The following SKI variants were observed in gnomAD, a reference collection of about 807,000 sequenced individuals.
SKI encodes SKI proto-oncogene, also known as ski oncogene.
A neutral mutation model predicts 59.3 loss-of-function variants in SKI; 23 were observed. The observed-to-expected ratio is 0.39, with a 90% CI of 0.28 to 0.55. SKI has a LOEUF of 0.55. SKI is among the 20% of genes least tolerant of loss of function. SKI has a pLI of 0.67. For missense variants in SKI, 1,017 were observed against 1,038.9 expected, an observed-to-expected ratio of 0.98 and a Z score of 0.29; for synonymous variants, 673 against 488.6, an observed-to-expected ratio of 1.38 and a Z score of -4.98.
intron 1 of SKI, among the ~76,000 whole-genome samples, chr1:2,288,174 A>T (rs1971304): frequency 0.17 from 25,193 of 151,908 alleles, 2,132 homozygotes; most frequent in Middle Eastern, 0.32. Context: ...TTTAGTAGAG[A>T]TGGGGTTTCT....
Position 2,303,514 on chromosome 1 carries a change from G to C in SKI, c.1211+114G>C. The C allele has an allele frequency of 1.1e-6, 1 of 932,268 alleles. No homozygotes were observed. Among genetic ancestry groups the C allele is most frequent in the Non-Finnish European group, 1.7e-6 (1 of 599,056 alleles). The allele number at this position is 932,268 out of a possible 1,614,324, so 57.7% of individuals were successfully genotyped here. A position where few individuals can be genotyped will look rare whatever the true frequency, so the allele number is the denominator to read the frequency against. ...TGGGTGCCCAGACCTGCCGCCTTTT[G>C]GTCAGGGCAGTCTCGGTGTTGGTTC... On this transcript the variant is annotated intron_variant, in intron 3 of 6. Transcript: ENST00000378536. The surrounding 1 kb of genome is among the most constrained non-coding windows in gnomAD (Gnocchi z 5.6).
chr1:2,248,573 G>C (rs1639048212), intron 1 of SKI, among the ~76,000 whole-genome samples: 1 of 152,170 alleles, frequency 6.6e-6, no homozygotes, highest in Non-Finnish European at 1.5e-5. Flanking sequence ...TGGACAGGCA[G>C]CCTTTGACCT....
At chr1:2,292,222 TC>T (rs1640177005) in intron 1 of SKI, among the ~76,000 whole-genome samples, 1 of 152,210 alleles carries the variant, frequency 6.6e-6, no homozygotes, top group African/African-American at 2.4e-5. Flanking sequence ...CTTGCCCTGC[TC>T]AGGGCTGCAC....
intron 5 of SKI, 82 bp downstream of exon 5, chr1:2,304,667 G>A: frequency 5.4e-6 from 8 of 1,469,520 alleles, no homozygotes; most frequent in Non-Finnish European, 5.4e-6. Flanking sequence ...CACAGGTGGT[G>A]CCTCCTCCCT....
chr1:2,240,851 C>T (rs1303009126), intron 1 of SKI: 14 of 954,584 alleles, frequency 1.5e-5, no homozygotes, highest in Non-Finnish European at 1.5e-5. Flanking sequence ...GTGTGGGGGC[C>T]GTCCACAGCC....
intron 6 of SKI, 30 bp from the exon 7 acceptor site, chr1:2,306,547 G>T (rs1036940869): frequency 4.6e-6 from 7 of 1,533,858 alleles, no homozygotes; most frequent in Non-Finnish European, 6.1e-6. Flanking sequence ...GCAGCGAGCA[G>T]GCGCCGCTGA....
Position 2,306,818 on chromosome 1 carries a change from G to C in SKI, c.*53G>C. ...CGACAACGCGGGTGCAGGGGGGCGC[G>C]GCTGGGCGGTGCAGCTCCGCCCGGC... On this transcript the variant is annotated 3_prime_UTR_variant, in exon 7 of 7. Transcript: ENST00000378536. 7 of 1,319,584 alleles carry C rather than the reference G, an allele frequency of 5.3e-6. No homozygotes were observed. The highest frequency in any genetic ancestry group is 1.6e-5 in the African/African-American group (1 of 62,976). 81.7% of individuals were successfully genotyped at this position (1,319,584 alleles called of 1,614,324 possible). A position where few individuals can be genotyped will look rare whatever the true frequency, so the allele number is the denominator to read the frequency against.
Position 2,241,688 on chromosome 1 carries a change from C to T in SKI, c.969+11953C>T, listed in dbSNP as rs182025780. 2.6e-4 allele frequency among the ~76,000 whole-genome samples: 40 copies of T among 152,304 alleles called. No individual in the cohort carries two copies. The East Asian group carries it at 5.0e-3, about 19-fold the overall frequency. ...GATTACAGGTGTGAGCCACTGCGCC[C>T]GGCCAGGACTGTAATTTTTTGAAGC... On this transcript the variant is annotated intron_variant, in intron 1 of 6. Transcript: ENST00000378536.
intron 1 of SKI, among the ~76,000 whole-genome samples, chr1:2,279,585 G>GGAGGGGA (rs912290113): frequency 2.0e-5 from 3 of 152,184 alleles, no homozygotes; most frequent in Non-Finnish European, 2.9e-5. Flanking sequence ...GGGGGAGGGG[G>GGAGGGGA]GAGGGGAGAG....
At chr1:2,275,186 G>C (rs927966240) in intron 1 of SKI, among the ~76,000 whole-genome samples, 1 of 152,226 alleles carries the variant, frequency 6.6e-6, no homozygotes, top group Non-Finnish European at 1.5e-5. Context: ...AGATGTGTTC[G>C]CGGGGTCCTG....
At chr1:2,260,535 C>CTTTTCTTTTTT (rs1639362826) in intron 1 of SKI, among the ~76,000 whole-genome samples, 1 of 67,820 alleles carries the variant, frequency 1.5e-5, no homozygotes, top group African/African-American at 6.2e-5. Flanking sequence ...TGTTCTTTTT[C>CTTTTCTTTTTT]TTTTTTTTTT....
chr1:2,240,472 G>A, intron 1 of SKI: 1 of 985,200 alleles, frequency 1.0e-6, no homozygotes, highest in Non-Finnish European at 1.2e-6. Context: ...ATGTTGCCTG[G>A]CCCCCATGAG....
rs367594233 is a variant in SKI, at chr1:2,233,234, T to TG, written c.969+3507dup. 7.9e-3 allele frequency among the ~76,000 whole-genome samples: 608 copies of TG among 77,070 alleles called. 8 individuals are homozygous for TG. Among genetic ancestry groups the TG allele is most frequent in the Admixed American group, 0.045 (326 of 7,268 alleles). 50.6% of individuals were successfully genotyped at this position (77,070 alleles called of 152,430 possible). ...GGGGTTTCTGTTCCAACAGGGCTGGTGGGGGGGGTCCTGTTCCCAGAGGTC... is the reference window on the plus strand; with the variant it reads ...GGGGTTTCTGTTCCAACAGGGCTGGTGGGGGGGGGTCCTGTTCCCAGAGGTC... On this transcript the variant is annotated intron_variant, in intron 1 of 6. Transcript: ENST00000378536.
chr1:2,278,150 C>T (rs1445565209), intron 1 of SKI, among the ~76,000 whole-genome samples: 1 of 152,212 alleles, frequency 6.6e-6, no homozygotes, highest in East Asian at 1.9e-4. Flanking sequence ...GTCCCCTGGA[C>T]CCACTTGCTC....
intron 5 of SKI, among the ~76,000 whole-genome samples, chr1:2,305,304 G>C (rs754077291): frequency 2.0e-5 from 3 of 152,174 alleles, no homozygotes; most frequent in Non-Finnish European, 2.9e-5. Flanking sequence ...GTGTGCAGGC[G>C]GCCCGTTGTT....
At chr1:2,263,570 GGT>G (rs1378893577) in intron 1 of SKI, among the ~76,000 whole-genome samples, 1 of 151,682 alleles carries the variant, frequency 6.6e-6, no homozygotes, top group African/African-American at 2.4e-5. Flanking sequence ...GAGGGATGTT[GGT>G]GTGTGTTTTT....
intron 1 of SKI, among the ~76,000 whole-genome samples, chr1:2,235,500 T>TG (rs1638733812): frequency 6.6e-6 from 1 of 152,196 alleles, no homozygotes; most frequent in East Asian, 1.9e-4. Context: ...CCCCGGGGGC[T>TG]GGGGGGCATG....
chr1:2,230,958 GGTGCATGTGTGT>G (rs922401305), intron 1 of SKI, among the ~76,000 whole-genome samples: 3 of 152,154 alleles, frequency 2.0e-5, no homozygotes, highest in South Asian at 2.1e-4. Flanking sequence ...GGCTGCGGAG[GGTGCATGTGTGT>G]GTGCATGTGT....
chr1:2,306,114 C>G lies in SKI; in HGVS notation c.1862C>G (p.Ala621Gly). 1 of 1,599,106 alleles carries G rather than the reference C, an allele frequency of 6.3e-7. No homozygotes were observed. The highest frequency in any genetic ancestry group is 8.5e-7 in the Non-Finnish European group (1 of 1,174,260). Residue 621 changes from alanine (A) to glycine (G), a missense_variant, in exon 6 of 7, where the codon GCC becomes GGC. By Grantham distance (60) the Ala-to-Gly change is moderately conservative. Coordinates refer to ENST00000378536, the MANE Select transcript of SKI (RefSeq NM_003036.4). The stretch of plus-strand genomic sequence containing the variant: ...CGGAAGGAGATCGAGCGTCTCCGCG[C>G]CGAGAACGAGAAGAAGATGAAAGAG... Reference protein sequence around the residue: ...NLRKEIERLRAENEKKMKEAN... With the variant: ...NLRKEIERLRGENEKKMKEAN...
Sources: gnomAD v4.1 joint callset for allele counts (sites outside exome capture counted in the v4.1 genomes callset) on GRCh38, gnomAD v4.1.1 for gene constraint, Gnocchi (gnomAD v3.1) non-coding constraint, MANE v1.5 for transcripts, NCBI Gene and HGNC (gene_info 2026-07-23, HGNC 2026-07-21) for gene names.